The following ZFHX3 variants were observed in gnomAD, a reference collection of about 807,000 sequenced individuals.
ZFHX3 encodes zinc finger homeobox protein 3.
ZFHX3 carries 42 observed loss-of-function variants against 279.1 expected under a neutral mutation model. The observed-to-expected ratio is 0.15, with a 90% CI of 0.12 to 0.19. The LOEUF (loss-of-function observed/expected upper bound fraction) is 0.19. Ranked by LOEUF, ZFHX3 falls within the 10% of genes least tolerant of loss-of-function variation. The pLI, the probability that ZFHX3 is intolerant of heterozygous loss-of-function variation, is 1.00. For missense variants in ZFHX3, 4,981 were observed against 4,754.0 expected (o/e 1.05, Z -1.40); for synonymous variants, 2,293 against 1,957.8 (o/e 1.17, Z -4.52).
rs919618905 is a variant in ZFHX3 at position 72,965,572 on chromosome 16, C to G, written c.-49-5378G>C. ...TACTGAGCATGTACTATGTGTCAGT[C>G]AGATGCTACAGAATCCATGCTAAAA... is the stretch of plus-strand genomic sequence containing the variant. On this transcript the variant is annotated intron_variant, in intron 1 of 9. Coordinates refer to ENST00000268489, the MANE Select transcript of ZFHX3 (RefSeq NM_006885.4). Among the ~76,000 whole-genome samples, 11 of 152,292 alleles carry G rather than the reference C, an allele frequency of 7.2e-5. No individual in the cohort carries two copies. In the South Asian group the frequency reaches 1.2e-3, roughly 17 times the overall value.
intron 1 of ZFHX3, among the ~76,000 whole-genome samples, chr16:73,821,657 G>C (rs1358173082): frequency 1.3e-5 from 2 of 152,222 alleles, no homozygotes; most frequent in African/African-American, 4.8e-5. Context: ...ATAGTCTGAG[G>C]TATGAGGAAG....
intron 5 of ZFHX3, among the ~76,000 whole-genome samples, chr16:73,193,717 A>G (rs1014508642): frequency 2.0e-5 from 3 of 152,140 alleles, no homozygotes; most frequent in African/African-American, 7.2e-5. Flanking sequence ...CCCACAGACT[A>G]TGGGGCCAGA....
intron 3 of ZFHX3, among the ~76,000 whole-genome samples, chr16:72,896,929 C>G (rs1408012798): frequency 6.6e-6 from 1 of 152,258 alleles, no homozygotes; most frequent in East Asian, 1.9e-4. Flanking sequence ...CCTGTTACTA[C>G]AGACACACCC....
At chr16:73,770,956 G>C (rs371536287) in intron 1 of ZFHX3, among the ~76,000 whole-genome samples, 1 of 152,132 alleles carries the variant, frequency 6.6e-6, no homozygotes, top group East Asian at 1.9e-4. Context: ...TCATGAAGAA[G>C]GTAAAGGACT....
intron 8 of ZFHX3, among the ~76,000 whole-genome samples, chr16:73,069,454 G>A (rs551460301): frequency 2.0e-5 from 3 of 152,260 alleles, no homozygotes; most frequent in Non-Finnish European, 4.4e-5. Context: ...GCCAGCTCAC[G>A]TGTCCGTCTA....
chr16:73,682,966 G>T (rs969139378), intron 1 of ZFHX3, among the ~76,000 whole-genome samples: 1 of 26,486 alleles, frequency 3.8e-5, no homozygotes, highest in Non-Finnish European at 7.7e-5. Flanking sequence ...AAGAAAGAAA[G>T]AAAGAAAGAA....
intron 5 of ZFHX3, among the ~76,000 whole-genome samples, chr16:73,208,123 C>G (rs952572165): frequency 5.3e-5 from 8 of 152,020 alleles, no homozygotes; most frequent in Non-Finnish European, 2.9e-5. Flanking sequence ...AAACAACACA[C>G]AAAAAGCCTC....
chr16:72,879,669 G>A (rs374578517), intron 4 of ZFHX3, among the ~76,000 whole-genome samples: 4 of 152,092 alleles, frequency 2.6e-5, no homozygotes, highest in African/African-American at 7.2e-5. Context: ...CTAGTGATCC[G>A]CCCGCCTCGG....
intron 6 of ZFHX3, among the ~76,000 whole-genome samples, chr16:73,141,172 C>G (rs1966846950): frequency 6.6e-6 from 1 of 152,160 alleles, no homozygotes; most frequent in African/African-American, 2.4e-5. Flanking sequence ...TGTTTGCCGA[C>G]TGGGTGAATG....
intron 5 of ZFHX3, among the ~76,000 whole-genome samples, chr16:73,157,857 C>A (rs1027580231): frequency 1.3e-5 from 2 of 152,010 alleles, no homozygotes; most frequent in African/African-American, 2.4e-5. Flanking sequence ...TAGAGAAGAG[C>A]CTCTGAGAGA....
At chr16:73,196,346 T>C (rs1367788409) in intron 5 of ZFHX3, among the ~76,000 whole-genome samples, 1 of 152,040 alleles carries the variant, frequency 6.6e-6, no homozygotes, top group East Asian at 1.9e-4. Flanking sequence ...AGAAATCATA[T>C]CACAGTGAGC....
At chr16:73,816,142 T>A (rs1409376789) in intron 1 of ZFHX3, 1 of 152,210 alleles carries the variant, frequency 6.6e-6, no homozygotes, top group Non-Finnish European at 1.5e-5. Flanking sequence ...CATACATATA[T>A]ACATACGTGC....
intron 1 of ZFHX3, among the ~76,000 whole-genome samples, chr16:73,859,377 T>A (rs1396335738): frequency 6.6e-6 from 1 of 152,218 alleles, no homozygotes; most frequent in Non-Finnish European, 1.5e-5. Context: ...ATGTGCTCAC[T>A]TAGAGAAAGA....
intron 3 of ZFHX3, among the ~76,000 whole-genome samples, chr16:72,915,917 G>C (rs1333679739): frequency 6.6e-6 from 1 of 152,228 alleles, no homozygotes; most frequent in Non-Finnish European, 1.5e-5. Context: ...ACCCACTCTA[G>C]ACGTAACTAC....
chr16:73,093,400 A>G (rs1966114305), exon 8 of ZFHX3: 1 of 452,082 alleles, frequency 2.2e-6, no homozygotes, highest in Non-Finnish European at 4.5e-6. Flanking sequence ...CAGATGCAGA[A>G]CCACAGCTGA....
At chr16:72,843,527 A>AG (rs1332483218) in intron 4 of ZFHX3, among the ~76,000 whole-genome samples, 1 of 150,154 alleles carries the variant, frequency 6.7e-6, no homozygotes, top group Non-Finnish European at 1.5e-5. Context: ...AAAAAAAAAA[A>AG]AAAAAAAAAA....
intron 1 of ZFHX3, among the ~76,000 whole-genome samples, chr16:73,710,811 C>T (rs16972344): frequency 0.012 from 1,883 of 152,284 alleles, 51 homozygotes; most frequent in African/African-American, 0.042. Context: ...TCCCAGGAGT[C>T]GCCTTGTACA....
intron 5 of ZFHX3, among the ~76,000 whole-genome samples, chr16:73,217,665 C>A (rs1385251764): frequency 1.3e-5 from 2 of 152,148 alleles, no homozygotes; most frequent in Non-Finnish European, 2.9e-5. Context: ...CCGTCAGGCC[C>A]ACTCCACGGG....
intron 1 of ZFHX3, among the ~76,000 whole-genome samples, chr16:73,860,651 A>T (rs534183744): frequency 1.3e-5 from 2 of 152,330 alleles, no homozygotes; most frequent in Admixed American, 1.3e-4. Context: ...GAAAACGTGA[A>T]ACAAAGCAGA....
Sources: gnomAD v4.1 joint callset for allele counts (sites outside exome capture counted in the v4.1 genomes callset) on GRCh38, gnomAD v4.1.1 for gene constraint, MANE v1.5 for transcripts, NCBI Gene and HGNC (gene_info 2026-07-23, HGNC 2026-07-21) for gene names.